TBC1D32: variants seen among roughly 807,000 people sequenced by gnomAD.
TBC1D32 encodes the protein protein broad-minded.
Under a neutral mutation model 170.3 loss-of-function variants are expected in TBC1D32, and 151 were observed. The ratio of observed to expected loss-of-function variants is 0.89; its 90% CI spans 0.78 to 1.01. TBC1D32 has a LOEUF of 1.01. TBC1D32 is among the 50% of genes least tolerant of loss of function. TBC1D32 has a pLI of 0.00. For missense variants in TBC1D32, 1,464 were observed against 1,457.1 expected, an observed-to-expected ratio of 1.00 and a Z score of -0.08; for synonymous variants, 498 against 488.0, an observed-to-expected ratio of 1.02 and a Z score of -0.27.
intron 22 of TBC1D32, among the ~76,000 whole-genome samples, chr6:121,169,031 C>G (rs1583050440): frequency 6.6e-6 from 1 of 150,960 alleles, no homozygotes; most frequent in Non-Finnish European, 1.5e-5. Flanking sequence ...TCGTATTAAA[C>G]TATATTGACA....
intron 17 of TBC1D32, among the ~76,000 whole-genome samples, chr6:121,250,843 C>T (rs1256782949): frequency 1.3e-5 from 2 of 152,152 alleles, no homozygotes; most frequent in East Asian, 3.9e-4. Context: ...TCCATCACCT[C>T]AGCCCAAAAA....
chr6:121,182,425 G>T (rs9372643), intron 22 of TBC1D32, among the ~76,000 whole-genome samples: 105,715 of 151,872 alleles, frequency 0.7, 41,440 homozygotes, highest in Non-Finnish European at 0.87. Flanking sequence ...ACTAATAAAA[G>T]AATGCATACT....
At chr6:121,135,665 G>A (rs1229037601) in intron 24 of TBC1D32, among the ~76,000 whole-genome samples, 1 of 152,174 alleles carries the variant, frequency 6.6e-6, no homozygotes, top group Non-Finnish European at 1.5e-5. Context: ...TGATTAATCA[G>A]CTGTGGAAAC....
chr6:121,257,451 C>T (rs1235944018), intron 15 of TBC1D32, among the ~76,000 whole-genome samples: 1 of 152,064 alleles, frequency 6.6e-6, no homozygotes, highest in East Asian at 1.9e-4. Context: ...CCTACATCCA[C>T]TATTTCACTA....
At chr6:121,123,981 A>T (rs952955895) in intron 26 of TBC1D32, among the ~76,000 whole-genome samples, 1 of 152,028 alleles carries the variant, frequency 6.6e-6, no homozygotes. Flanking sequence ...AACTATACAC[A>T]TTAATTCCTT....
Position 121,312,845 on chromosome 6 carries a change from A to C in TBC1D32, c.496-1998T>G, listed in dbSNP as rs568574595. On this transcript the variant is annotated intron_variant, in intron 3 of 31. Transcript: ENST00000398212. ...TTAGTTTAGTCTTTACATAGACAATATAAGAAAAGCTTGTAAAAAAGATAG... is the reference window on the plus strand; with the variant it reads ...TTAGTTTAGTCTTTACATAGACAATCTAAGAAAAGCTTGTAAAAAAGATAG... Among the ~76,000 whole-genome samples the C allele has an allele frequency of 5.4e-4, 82 of 152,314 alleles. 1 individual carries two copies. Among genetic ancestry groups the C allele is most frequent in the Middle Eastern group, 3.4e-3 (1 of 292 alleles).
intron 24 of TBC1D32, among the ~76,000 whole-genome samples, chr6:121,146,879 G>T (rs988929882): frequency 5.9e-5 from 9 of 152,096 alleles, no homozygotes; most frequent in African/African-American, 1.9e-4. Context: ...GGTATATTGA[G>T]CGACAGTGAG....
At chr6:121,275,217 T>C (rs9482130) in intron 15 of TBC1D32, among the ~76,000 whole-genome samples, 186 of 152,262 alleles carry the variant, frequency 1.2e-3, no homozygotes, top group African/African-American at 4.4e-3. Context: ...CAATGAACAA[T>C]TGACAATTTA....
At chr6:121,130,584 C>CA (rs1000970315) in intron 25 of TBC1D32, among the ~76,000 whole-genome samples, 2 of 152,152 alleles carry the variant, frequency 1.3e-5, no homozygotes, top group Admixed American at 1.3e-4. Context: ...TAATGTTCTA[C>CA]ATGTTTGTCC....
chr6:121,130,198 T>C (rs1324082811), intron 25 of TBC1D32, among the ~76,000 whole-genome samples: 3 of 152,096 alleles, frequency 2.0e-5, no homozygotes, highest in African/African-American at 4.8e-5. Context: ...AAGTAATGAA[T>C]AGGCAGGGCG....
In TBC1D32 at chr6:121,119,809, C is replaced by A. The variant is rs544886736; in HGVS notation, c.2984-4568G>T. Among the ~76,000 whole-genome samples, 82 of 152,072 alleles carry A rather than the reference C, an allele frequency of 5.4e-4. 1 individual carries two copies. Among genetic ancestry groups the A allele is most frequent in the Middle Eastern group, 3.4e-3 (1 of 294 alleles). On this transcript the variant is annotated intron_variant, in intron 26 of 31. Transcript: ENST00000398212. ...TGCAAATTTTATAATGGATTGAAAT[C>A]CTGAGGGAGCTAACAACAGATGGAT... is the stretch of plus-strand genomic sequence containing the variant.
rs536216115 is a variant in TBC1D32 at position 121,270,879 on chromosome 6, C to T, written c.1733+8242G>A. On this transcript the variant is annotated intron_variant, in intron 15 of 31. Transcript: ENST00000398212. ...AATCCTCAATAAAATACTGGCAAAC[C>T]GAATCCAGCAGCACATCAAAAAGCT... Among the ~76,000 whole-genome samples the T allele has an allele frequency of 4.5e-4, 69 of 152,144 alleles. 1 individual carries two copies. The highest frequency in any genetic ancestry group is 1.2e-3 in the African/African-American group (50 of 41,494).
chr6:121,149,107 T>C (rs766037634), intron 24 of TBC1D32, among the ~76,000 whole-genome samples: 7 of 152,152 alleles, frequency 4.6e-5, no homozygotes, highest in Admixed American at 6.5e-5. Flanking sequence ...ATGGGGTTGG[T>C]TTTTTTCTTG....
intron 10 of TBC1D32, among the ~76,000 whole-genome samples, chr6:121,296,745 A>G (rs1050417435): frequency 6.6e-6 from 1 of 151,416 alleles, no homozygotes; most frequent in Non-Finnish European, 1.5e-5. Context: ...CTAACAAAAA[A>G]CAAAACAAAA....
chr6:121,236,718 T>C (rs1277276842), intron 20 of TBC1D32, among the ~76,000 whole-genome samples: 7 of 152,132 alleles, frequency 4.6e-5, no homozygotes, highest in Admixed American at 1.3e-4. Context: ...AACCTTCTAT[T>C]TGAATTATAA....
intron 29 of TBC1D32, 23 bp downstream of exon 29, chr6:121,112,482 T>C: frequency 6.3e-7 from 1 of 1,579,778 alleles, no homozygotes; most frequent in South Asian, 1.2e-5. Context: ...AAACCCTCCT[T>C]TAAAAACAGA....
At chr6:121,260,276 A>G (rs771002175) in intron 15 of TBC1D32, among the ~76,000 whole-genome samples, 16 of 152,304 alleles carry the variant, frequency 1.1e-4, no homozygotes, top group South Asian at 1.0e-3. Flanking sequence ...AGCAATTTAG[A>G]AGGAAAAAAG....
chr6:121,324,585 C>T (rs1810208685), intron 1 of TBC1D32, among the ~76,000 whole-genome samples: 1 of 152,088 alleles, frequency 6.6e-6, no homozygotes. Context: ...TCATAGAAAA[C>T]AGCCTCTAAT....
Position 121,115,201 on chromosome 6 carries a change from C to A in TBC1D32, c.3024G>T (p.Val1008=). ...CAGTCATTTTAATGCCAAGCTGCTG[C>A]ACAGATGAAAGACTTTCATTCTTCA... ...ANVKNESLSS[V]QQLGIKMTVR... is the part of the protein sequence containing the mutation. Residue 1008 remains valine (V), a synonymous_variant, in exon 27 of 32, where the codon GTG becomes GTT. Transcript: ENST00000398212. The A allele has an allele frequency of 1.9e-6, 3 of 1,602,658 alleles. No individual in the cohort carries two copies. The highest frequency in any genetic ancestry group is 2.6e-6 in the Non-Finnish European group (3 of 1,173,240).
Sources: gnomAD v4.1 joint callset for allele counts (sites outside exome capture counted in the v4.1 genomes callset) on GRCh38, gnomAD v4.1.1 for gene constraint, MANE v1.5 for transcripts, NCBI Gene and HGNC (gene_info 2026-07-23, HGNC 2026-07-21) for gene names.